Variants in MCF2L observed in about 807,000 individuals in gnomAD.
The protein encoded by MCF2L is MCF.2 cell line derived transforming sequence like, also known as guanine nucleotide exchange factor DBS.
Under a neutral mutation model 153.4 loss-of-function variants are expected in MCF2L, and 97 were observed. That is an observed-to-expected ratio of 0.63 (90% CI 0.54 to 0.75). The LOEUF is 0.75. Among genes scored for constraint, MCF2L ranks in the 30% least tolerant of loss-of-function variants. The pLI is 0.00. For synonymous variants in MCF2L, 659 were observed against 632.2 expected (o/e 1.04, Z -0.64); for missense variants, 1,347 against 1,495.2 (o/e 0.90, Z 1.64).
intron 2 of MCF2L, among the ~76,000 whole-genome samples, chr13:112,958,894 A>C (rs775722642): frequency 9.9e-5 from 15 of 152,164 alleles, no homozygotes; most frequent in South Asian, 2.1e-4. Context: ...CTCGTGGGAG[A>C]GCCGTGAACA....
At chr13:113,010,990 T>G (rs546537626) in intron 1 of MCF2L, among the ~76,000 whole-genome samples, 12 of 152,298 alleles carry the variant, frequency 7.9e-5, no homozygotes, top group Non-Finnish European at 1.6e-4. Flanking sequence ...TTAAAGAAAC[T>G]ATGATCATAA....
chr13:112,921,403 T>A (rs1457274503), intron 2 of MCF2L, among the ~76,000 whole-genome samples: 1 of 152,200 alleles, frequency 6.6e-6, no homozygotes, highest in African/African-American at 2.4e-5. Flanking sequence ...CTCCACACAC[T>A]GTTTACCTGT....
At chr13:113,016,900 T>C (rs188933115) in intron 2 of MCF2L, among the ~76,000 whole-genome samples, 192 of 152,192 alleles carry the variant, frequency 1.3e-3, no homozygotes, top group African/African-American at 4.1e-3. Flanking sequence ...GAGGGCTGGG[T>C]TTGTTCACAG....
chr13:112,897,912 G>T (rs968382491), intron 1 of MCF2L, among the ~76,000 whole-genome samples: 1 of 152,136 alleles, frequency 6.6e-6, no homozygotes. Context: ...CTGTGCCAGG[G>T]CCCAGCTGAC....
At chr13:113,076,214 C>T (rs1381673692) in intron 12 of MCF2L, 57 bp downstream of exon 12, 9 of 1,262,180 alleles carry the variant, frequency 7.1e-6, no homozygotes, top group Non-Finnish European at 9.9e-6. Context: ...GTGAGGCATT[C>T]CTCTGTGGGA....
intron 4 of MCF2L, among the ~76,000 whole-genome samples, chr13:113,050,754 C>A (rs1164420857): frequency 1.0e-3 from 3 of 2,878 alleles, no homozygotes; most frequent in South Asian, 7.4e-3. Context: ...CGGGGGGGTG[C>A]GGGGGGCGGT....
chr13:113,005,978 GC>G (rs2083669789), intron 1 of MCF2L, among the ~76,000 whole-genome samples: 2 of 152,212 alleles, frequency 1.3e-5, no homozygotes. Context: ...AAATGGGGCT[GC>G]TTAGCGAAAA....
intron 2 of MCF2L, among the ~76,000 whole-genome samples, chr13:113,021,213 T>A (rs2084864798): frequency 6.6e-6 from 1 of 151,992 alleles, no homozygotes; most frequent in Non-Finnish European, 1.5e-5. Context: ...TGTACATATG[T>A]GTGTGTTTAT....
intron 1 of MCF2L, among the ~76,000 whole-genome samples, chr13:112,895,833 G>A (rs575269319): frequency 6.0e-4 from 91 of 152,032 alleles, no homozygotes; most frequent in Admixed American, 1.2e-3. Flanking sequence ...GGGCCCAGGC[G>A]TCCCCGATTT....
chr13:113,098,662 A>G lies in MCF2L; in HGVS notation c.*1803A>G, dbSNP rs1376971641. Reference sequence around the variant, plus strand: ...TTGTTGGGACGGAAAAGAAGCCGGCAGTGGGCAGGGCCCAGCGTGCGGCTC... The same window carrying G: ...TTGTTGGGACGGAAAAGAAGCCGGCGGTGGGCAGGGCCCAGCGTGCGGCTC... On this transcript the variant is annotated 3_prime_UTR_variant, in exon 30 of 30. Transcript: ENST00000535094. 6.6e-6 allele frequency: 1 copy of G among 152,300 alleles called. No homozygotes were observed. Among genetic ancestry groups the G allele is most frequent in the Non-Finnish European group, 1.5e-5 (1 of 68,056 alleles). The allele number at this position is 152,300 out of a possible 1,614,324, so 9.4% of individuals were successfully genotyped here. A position where few individuals can be genotyped will look rare whatever the true frequency, so the allele number is the denominator to read the frequency against.
intron 2 of MCF2L, among the ~76,000 whole-genome samples, chr13:113,015,918 T>G (rs2084483161): frequency 6.6e-6 from 1 of 152,154 alleles, no homozygotes. Context: ...CGCCGTGGTT[T>G]CTGCCGGTTC....
chr13:113,061,408 A>G (rs1333925873), intron 5 of MCF2L, among the ~76,000 whole-genome samples: 3 of 152,084 alleles, frequency 2.0e-5, no homozygotes, highest in Admixed American at 1.3e-4. Context: ...TGCCTTGGCG[A>G]GCTCACATCT....
chr13:112,984,360 G>A (rs573761190), intron 1 of MCF2L, among the ~76,000 whole-genome samples: 16 of 151,892 alleles, frequency 1.1e-4, no homozygotes, highest in South Asian at 4.2e-4. Context: ...TCAGCCTCCC[G>A]AGTAGCTGGA....
rs754170222 is a variant in MCF2L, at chr13:113,096,613, G to A, written c.3252G>A (p.Arg1084=). 3.8e-6 allele frequency: 6 copies of A among 1,598,778 alleles called. No individual in the cohort carries two copies. Among genetic ancestry groups the A allele is most frequent in the Non-Finnish European group, 5.1e-6 (6 of 1,177,106 alleles). The change falls in exon 29 of 30, where the codon CGG becomes CGA. Residue 1084 remains arginine (R), a synonymous_variant. Transcript: ENST00000535094. ...GWVPASSLSV[R]LGPSGSAQCL... is the part of the protein sequence containing the mutation. ...TGCCGGCCAGCAGCCTGTCCGTCCG[G>A]CTCGGCCCGTCCGGCTCGGCCCAGT... is the stretch of plus-strand genomic sequence containing the variant.
chr13:112,977,001 G>C (rs2082238467), intron 1 of MCF2L, among the ~76,000 whole-genome samples: 1 of 152,178 alleles, frequency 6.6e-6, no homozygotes, highest in African/African-American at 2.4e-5. Flanking sequence ...TTTACTGAGA[G>C]AGGAAACGAG....
rs2087541108 is a variant in MCF2L at position 113,053,871 on chromosome 13, C to A, written c.370-6722C>A. ...GATTGCAAAGTAAACATGCACGCCC[C>A]TTCAGGGTCCTGGTCCTTAGGGAGC... On this transcript the variant is annotated intron_variant, in intron 4 of 29. Coordinates refer to ENST00000535094, the MANE Select transcript of MCF2L (RefSeq NM_001112732.3). The surrounding 1 kb of genome is among the most constrained non-coding windows in gnomAD (Gnocchi z 4.4). 6.6e-6 allele frequency among the ~76,000 whole-genome samples: 1 copy of A among 152,178 alleles called. No homozygotes were observed. The highest frequency in any genetic ancestry group is 2.1e-4 in the South Asian group (1 of 4,826).
At chr13:113,066,313 C>T in intron 8 of MCF2L, 143 bp downstream of exon 8, 1 of 999,416 alleles carries the variant, frequency 1.0e-6, no homozygotes, top group Non-Finnish European at 1.4e-6. Flanking sequence ...AGGGCCAGCA[C>T]AGCAGCCGGC....
At chr13:113,089,804 GA>G in intron 26 of MCF2L, 76 bp downstream of exon 26, 4 of 1,603,544 alleles carry the variant, frequency 2.5e-6, no homozygotes, top group Non-Finnish European at 3.4e-6. Context: ...CTGCATCCGA[GA>G]AACCTGCGCT....
chr13:112,921,093 C>T (rs1361115979), intron 2 of MCF2L, among the ~76,000 whole-genome samples: 1 of 151,872 alleles, frequency 6.6e-6, no homozygotes, highest in Non-Finnish European at 1.5e-5. Flanking sequence ...AGGAGAATGG[C>T]GTGAATCCGG....
Sources: gnomAD v4.1 joint callset for allele counts (sites outside exome capture counted in the v4.1 genomes callset) on GRCh38, gnomAD v4.1.1 for gene constraint, Gnocchi (gnomAD v3.1) non-coding constraint, MANE v1.5 for transcripts, NCBI Gene and HGNC (gene_info 2026-07-23, HGNC 2026-07-21) for gene names.